BPI: variants seen among roughly 807,000 people sequenced by gnomAD.
BPI encodes bactericidal permeability-increasing protein.
In BPI, 48 loss-of-function variants were observed where a neutral mutation model predicts 57.6. The ratio of observed to expected loss-of-function variants is 0.83; its 90% confidence interval spans 0.66 to 1.06. The LOEUF is 1.06. Among genes scored for constraint, BPI ranks in the 50% least tolerant of loss-of-function variants. BPI has a pLI of 0.00. For missense variants in BPI, 651 were observed against 609.7 expected (o/e 1.07, Z -0.71); for synonymous variants, 237 against 238.2 (o/e 0.99, Z 0.05).
intron 5 of BPI, among the ~76,000 whole-genome samples, chr20:38,313,722 T>G (rs1047095722): frequency 6.6e-6 from 1 of 151,706 alleles, no homozygotes; most frequent in Non-Finnish European, 1.5e-5. Context: ...GGGATGATGG[T>G]GATGATGGTG....
At chr20:38,326,637 C>CTTATTCATTCAA (rs756828908) in intron 10 of BPI, 2 of 518,312 alleles carry the variant, frequency 3.9e-6, no homozygotes, top group Non-Finnish European at 6.5e-6. Flanking sequence ...CGTTTGTTTA[C>CTTATTCATTCAA]TTATTCATTC....
intron 5 of BPI, among the ~76,000 whole-genome samples, chr20:38,316,626 C>T (rs2076653480): frequency 6.6e-6 from 1 of 152,204 alleles, no homozygotes; most frequent in South Asian, 2.1e-4. Context: ...AGGGCCTTTA[C>T]TGAGTGGGTT....
chr20:38,324,919 C>A, intron 9 of BPI, 86 bp downstream of exon 9: 2 of 1,051,316 alleles, frequency 1.9e-6, no homozygotes, highest in South Asian at 1.3e-5. Context: ...GAGCCCTCCA[C>A]CCAACATAAC....
Position 38,312,043 on chromosome 20 carries a change from T to C in BPI, c.600+106T>C, listed in dbSNP as rs995197383. 7 of 1,166,618 alleles carry C rather than the reference T, an allele frequency of 6.0e-6. No homozygotes were observed. The African/African-American group carries it at 7.6e-5, about 13-fold the overall frequency. The allele number at this position is 1,166,618 out of a possible 1,614,324, so 72.3% of individuals were successfully genotyped here. ...TCTGCTGTCACTCCAGACCCCTTGG[T>C]AGTCCTTATGGCCCTTTGAAACCAC... is the stretch of plus-strand genomic sequence containing the variant. On this transcript the variant is annotated intron_variant, in intron 5 of 14. Coordinates refer to ENST00000642449, the MANE Select transcript of BPI (RefSeq NM_001725.3).
At chr20:38,328,664 T>G (rs2076726219) in intron 11 of BPI, among the ~76,000 whole-genome samples, 1 of 151,592 alleles carries the variant, frequency 6.6e-6, no homozygotes, top group South Asian at 2.1e-4. Context: ...GAATAAACAC[T>G]CAATATGCAA....
chr20:38,305,464 A>C (rs564472778), intron 1 of BPI, among the ~76,000 whole-genome samples: 1 of 152,234 alleles, frequency 6.6e-6, no homozygotes, highest in South Asian at 2.1e-4. Context: ...CACATTCTCC[A>C]TGGCTCCCTA....
intron 10 of BPI, among the ~76,000 whole-genome samples, chr20:38,326,915 A>G (rs563322411): frequency 6.6e-6 from 1 of 152,350 alleles, no homozygotes; most frequent in East Asian, 1.9e-4. Flanking sequence ...ATTCATTTGT[A>G]TATTTGTTCA....
At chr20:38,321,045 G>A (rs1280059131) in intron 7 of BPI, among the ~76,000 whole-genome samples, 1 of 1,514 alleles carries the variant, frequency 6.6e-4, no homozygotes. Flanking sequence ...GGGTGTATTG[G>A]CGGATGTAAA....
chr20:38,324,879 G>A, intron 9 of BPI, 46 bp downstream of exon 9: 1 of 1,503,564 alleles, frequency 6.7e-7, no homozygotes, highest in Non-Finnish European at 9.3e-7. Context: ...GGGGTTCTGG[G>A]AGGACAGGGC....
intron 10 of BPI, among the ~76,000 whole-genome samples, chr20:38,326,993 C>T (rs937928383): frequency 2.0e-5 from 3 of 152,136 alleles, no homozygotes; most frequent in African/African-American, 7.2e-5. Context: ...ATTTTTTAAT[C>T]CTTCATTTGC....
intron 5 of BPI, among the ~76,000 whole-genome samples, chr20:38,315,318 A>G (rs2076646946): frequency 6.6e-6 from 1 of 152,196 alleles, no homozygotes; most frequent in African/African-American, 2.4e-5. Context: ...GAATGAAGGA[A>G]TGAAATGTCA....
Position 38,311,955 on chromosome 20 carries a change from C to T in BPI, c.600+18C>T, listed in dbSNP as rs766234399. ...ACAGCCAGGTAGGAGGGGCTCAGAG[C>T]CCCATCAGCAAACAGAGGAGAAGGG... On this transcript the variant is annotated intron_variant, in intron 5 of 14. Transcript: ENST00000642449. The T allele has an allele frequency of 6.2e-7, 1 of 1,612,590 alleles. No homozygotes were observed. The highest frequency in any genetic ancestry group is 1.1e-5 in the South Asian group (1 of 91,008).
chr20:38,319,896 A>C, intron 6 of BPI: 3 of 399,512 alleles, frequency 7.5e-6, no homozygotes, highest in Admixed American at 3.9e-5. Context: ...GTCCAAGGTC[A>C]TCCAGAGTTT....
intron 13 of BPI, among the ~76,000 whole-genome samples, chr20:38,334,807 A>G (rs1459203341): frequency 6.6e-6 from 1 of 152,210 alleles, no homozygotes; most frequent in African/African-American, 2.4e-5. Context: ...GACTTAGGTC[A>G]CAGAGCAGGC....
chr20:38,321,392 G>A (rs1337547666), intron 7 of BPI, among the ~76,000 whole-genome samples: 1 of 151,992 alleles, frequency 6.6e-6, no homozygotes, highest in Non-Finnish European at 1.5e-5. Context: ...CCTCAAATAG[G>A]TTAAGCTTCC....
chr20:38,315,926 G>A (rs374546539), intron 5 of BPI, among the ~76,000 whole-genome samples: 18 of 150,656 alleles, frequency 1.2e-4, no homozygotes, highest in Admixed American at 6.0e-4. Context: ...TCCGCCTCCC[G>A]GGTTCAAGAG....
At chr20:38,313,816 G>A (rs977103779) in intron 5 of BPI, among the ~76,000 whole-genome samples, 2 of 150,924 alleles carry the variant, frequency 1.3e-5, no homozygotes, top group African/African-American at 4.9e-5. Context: ...TGATGGTGAT[G>A]GTGAGGATGA....
intron 11 of BPI, 27 bp downstream of exon 11, chr20:38,327,682 G>A (rs776530009): frequency 6.2e-7 from 1 of 1,610,360 alleles, no homozygotes; most frequent in Admixed American, 1.7e-5. Context: ...GAGGAGGAGG[G>A]GGCTGCCCCT....
chr20:38,306,602 C>A (rs1167057809), intron 1 of BPI, among the ~76,000 whole-genome samples: 1 of 152,142 alleles, frequency 6.6e-6, no homozygotes, highest in African/African-American at 2.4e-5. Context: ...GATGAATGAG[C>A]TGACTAGAAG....
Sources: gnomAD v4.1 joint callset for allele counts (sites outside exome capture counted in the v4.1 genomes callset) on GRCh38, gnomAD v4.1.1 for gene constraint, MANE v1.5 for transcripts, NCBI Gene and HGNC (gene_info 2026-07-23, HGNC 2026-07-21) for gene names.